The following TNRC6A variants were observed in gnomAD, a reference collection of about 807,000 sequenced individuals.
The protein encoded by TNRC6A is trinucleotide repeat-containing gene 6A protein.
Under a neutral mutation model 221.2 loss-of-function variants are expected in TNRC6A, and 44 were observed. The observed-to-expected ratio is 0.20, with a 90% confidence interval of 0.16 to 0.26. The LOEUF is 0.26. Ranked by LOEUF, TNRC6A falls within the 10% of genes least tolerant of loss-of-function variation. The pLI is 1.00. For missense variants in TNRC6A, 2,199 were observed against 2,404.4 expected, an observed-to-expected ratio of 0.91 and a Z score of 1.79; for synonymous variants, 847 against 838.5, an observed-to-expected ratio of 1.01 and a Z score of -0.18.
At chr16:24,787,100 C>T (rs147144982) in intron 5 of TNRC6A, among the ~76,000 whole-genome samples, 100 of 152,330 alleles carry the variant, frequency 6.6e-4, no homozygotes, top group Non-Finnish European at 1.8e-4. Context: ...TCTGGCTACC[C>T]AATCTGTGCT....
chr16:24,751,311 G>A (rs560921625), intron 3 of TNRC6A, among the ~76,000 whole-genome samples: 1 of 152,250 alleles, frequency 6.6e-6, no homozygotes, highest in African/African-American at 2.4e-5. Flanking sequence ...GACATAATAG[G>A]AAGTAAAGTG....
intron 2 of TNRC6A, among the ~76,000 whole-genome samples, chr16:24,641,773 C>A (rs1901964666): frequency 6.6e-6 from 1 of 152,060 alleles, no homozygotes; most frequent in African/African-American, 2.4e-5. Flanking sequence ...CTTTTTCATT[C>A]ATTCGATGAT....
intron 15 of TNRC6A, 117 bp downstream of exon 15, chr16:24,805,850 C>T (rs2058420523): frequency 6.8e-6 from 9 of 1,323,230 alleles, no homozygotes; most frequent in African/African-American, 2.9e-5. Context: ...TCATAGTCCT[C>T]ATGGAGCTTA....
At chr16:24,741,455 C>A (rs1251861412) in intron 2 of TNRC6A, among the ~76,000 whole-genome samples, 1 of 152,178 alleles carries the variant, frequency 6.6e-6, no homozygotes, top group African/African-American at 2.4e-5. Flanking sequence ...TGTTAAACCA[C>A]CCTTGCATAT....
chr16:24,661,681 G>A (rs1161763759), intron 2 of TNRC6A: 1 of 152,302 alleles, frequency 6.6e-6, no homozygotes, highest in African/African-American at 2.4e-5. Flanking sequence ...CAAAGTGCTG[G>A]GATTACAGGC....
chr16:24,622,526 A>G (rs193177411), intron 1 of TNRC6A, among the ~76,000 whole-genome samples: 44 of 152,268 alleles, frequency 2.9e-4, no homozygotes, highest in Non-Finnish European at 4.7e-4. Context: ...CCCAGGAGGC[A>G]GAGGTTGCAG....
chr16:24,823,281 G>T lies in TNRC6A; in HGVS notation c.5514-151G>T. The T allele has an allele frequency of 9.5e-7, 1 of 1,054,146 alleles. No individual in the cohort carries two copies. 65.3% of individuals were successfully genotyped at this position (1,054,146 alleles called of 1,614,324 possible). ...GAGAGCTGTGGGTGCACACTCGGGT[G>T]AAGGGAGGGCACGCAGGTTATGTGG... is the stretch of plus-strand genomic sequence containing the variant. On this transcript the variant is annotated intron_variant, in intron 24 of 24. Transcript: ENST00000395799. The surrounding 1 kb of genome is among the most constrained non-coding windows in gnomAD (Gnocchi z 4.3).
intron 1 of TNRC6A, among the ~76,000 whole-genome samples, chr16:24,622,951 A>G (rs909400129): frequency 6.6e-6 from 1 of 152,168 alleles, no homozygotes; most frequent in East Asian, 1.9e-4. Flanking sequence ...TCGAGTTCCA[A>G]TTATCACTGA....
chr16:24,781,402 C>G (rs561904680), intron 5 of TNRC6A, among the ~76,000 whole-genome samples: 253 of 152,188 alleles, frequency 1.7e-3, no homozygotes, highest in African/African-American at 5.7e-3. Context: ...TTTCTCCCTC[C>G]CCCCTTTCAG....
At chr16:24,715,225 T>C (rs777120159) in intron 2 of TNRC6A, among the ~76,000 whole-genome samples, 1 of 152,094 alleles carries the variant, frequency 6.6e-6, no homozygotes, top group Non-Finnish European at 1.5e-5. Context: ...AGAAATCCCT[T>C]CCTTTTAAAA....
At chr16:24,689,623 T>C (rs935603052) in intron 2 of TNRC6A, among the ~76,000 whole-genome samples, 3 of 152,270 alleles carry the variant, frequency 2.0e-5, no homozygotes, top group Admixed American at 6.5e-5. Context: ...GGCTAGCCAC[T>C]AGGGATAGAG....
intron 6 of TNRC6A, 78 bp from the exon 7 acceptor site, chr16:24,793,395 G>A: frequency 8.6e-7 from 1 of 1,169,226 alleles, no homozygotes; most frequent in African/African-American, 1.6e-5. Flanking sequence ...TGGTCCCTAA[G>A]TTTTCTTTAT....
intron 2 of TNRC6A, among the ~76,000 whole-genome samples, chr16:24,713,417 AAAAC>A (rs144445788): frequency 0.01 from 1,409 of 138,312 alleles, 12 homozygotes; most frequent in Non-Finnish European, 0.014. Context: ...AACTCTGTCT[AAAAC>A]AAACAAACAA....
chr16:24,807,561 G>C (rs1416137223), intron 17 of TNRC6A, among the ~76,000 whole-genome samples: 1 of 152,080 alleles, frequency 6.6e-6, no homozygotes, highest in South Asian at 2.1e-4. Context: ...GTCTAACTAT[G>C]TATAAATGAT....
intron 14 of TNRC6A, chr16:24,805,376 A>G: frequency 2.1e-6 from 2 of 930,422 alleles, no homozygotes; most frequent in South Asian, 1.8e-5. Flanking sequence ...TGAGAGTAGG[A>G]CAAAAGCAAA....
chr16:24,783,398 G>A (rs1008472087), intron 5 of TNRC6A, among the ~76,000 whole-genome samples: 4 of 152,086 alleles, frequency 2.6e-5, no homozygotes, highest in African/African-American at 9.7e-5. Flanking sequence ...CAAAGTGCTG[G>A]GATTACAGGC....
chr16:24,792,138 A>G (rs746505447), intron 6 of TNRC6A, among the ~76,000 whole-genome samples: 11 of 152,216 alleles, frequency 7.2e-5, no homozygotes, highest in Middle Eastern at 3.2e-3. Context: ...TTATTTGACT[A>G]AAATATCTCC....
chr16:24,629,972 C>CA (rs34035008), intron 1 of TNRC6A, among the ~76,000 whole-genome samples: 32,315 of 145,620 alleles, frequency 0.22, 4,405 homozygotes, highest in African/African-American at 0.4. Context: ...GACCCTGTCT[C>CA]AAAAAAAAAA....
intron 2 of TNRC6A, among the ~76,000 whole-genome samples, chr16:24,655,997 G>A (rs2054902723): frequency 6.6e-6 from 1 of 151,444 alleles, no homozygotes; most frequent in South Asian, 2.1e-4. Flanking sequence ...TTAAAAATTA[G>A]CCAGGCATGG....
Sources: gnomAD v4.1 joint callset for allele counts (sites outside exome capture counted in the v4.1 genomes callset) on GRCh38, gnomAD v4.1.1 for gene constraint, Gnocchi (gnomAD v3.1) non-coding constraint, MANE v1.5 for transcripts, NCBI Gene and HGNC (gene_info 2026-07-23, HGNC 2026-07-21) for gene names.